The following EYA4 variants were observed in gnomAD, a reference collection of about 807,000 sequenced individuals.
EYA4 encodes EYA transcriptional coactivator and phosphatase 4.
A neutral mutation model predicts 87.9 loss-of-function variants in EYA4; 31 were observed. The ratio of observed to expected loss-of-function variants is 0.35; its 90% CI spans 0.27 to 0.48. The LOEUF (loss-of-function observed/expected upper bound fraction) is 0.48. Ranked by LOEUF, EYA4 falls within the 20% of genes least tolerant of loss-of-function variation. The pLI is 0.99. For synonymous variants in EYA4, 263 were observed against 270.6 expected (o/e 0.97, Z 0.28); for missense variants, 678 against 761.4 (o/e 0.89, Z 1.29).
intron 2 of EYA4, among the ~76,000 whole-genome samples, chr6:133,381,794 T>C (rs1487062514): frequency 6.6e-6 from 1 of 152,212 alleles, no homozygotes; most frequent in African/African-American, 2.4e-5. Flanking sequence ...TAGCATGGCC[T>C]AGAAGTATGA....
At position 133,483,058 on chromosome 6, in the gene EYA4, A is replaced by G; in HGVS notation, c.1134A>G (p.Glu378=). 6.2e-7 allele frequency: 1 copy of G among 1,613,412 alleles called. No individual in the cohort carries two copies. Residue 378 remains glutamate, a synonymous_variant, in exon 13 of 20, where the codon GAA becomes GAG. Transcript: ENST00000355286. ...GTGTGTTTGTCTGGGATTTGGATGAAACCATCATTGTTTTTCACTCACTGC... is the reference window on the plus strand; with the variant it reads ...GTGTGTTTGTCTGGGATTTGGATGAGACCATCATTGTTTTTCACTCACTGC... ...LERVFVWDLD[E]TIIVFHSLLT... is the part of the protein sequence containing the mutation.
rs575288886 is a variant in EYA4 at position 133,462,251 on chromosome 6, A to G, written c.438-84A>G. On this transcript the variant is annotated intron_variant, in intron 7 of 19. Coordinates refer to ENST00000355286, the MANE Select transcript of EYA4 (RefSeq NM_004100.5). Reference sequence around the variant, plus strand: ...GGATAAAGAGGATTACTTCCTGGATATTATAGGGTTTCACTGAATCTAGGC... The same window carrying G: ...GGATAAAGAGGATTACTTCCTGGATGTTATAGGGTTTCACTGAATCTAGGC... 2,787 of 1,384,998 alleles carry G rather than the reference A, an allele frequency of 2.0e-3. 8 individuals carry two copies. Among genetic ancestry groups the G allele is most frequent in the Non-Finnish European group, 2.6e-3 (2,573 of 972,784 alleles). The allele number at this position is 1,384,998 out of a possible 1,614,324, so 85.8% of individuals were successfully genotyped here. A position where few individuals can be genotyped will look rare whatever the true frequency, so the allele number is the denominator to read the frequency against.
intron 13 of EYA4, among the ~76,000 whole-genome samples, chr6:133,497,799 CTA>C (rs555589993): frequency 3.1e-4 from 47 of 152,196 alleles, no homozygotes; most frequent in African/African-American, 1.1e-3. Flanking sequence ...TGCTATGAAG[CTA>C]TGATACTCTA....
At chr6:133,253,078 G>C (rs1582751733) in intron 1 of EYA4, among the ~76,000 whole-genome samples, 1 of 152,136 alleles carries the variant, frequency 6.6e-6, no homozygotes, top group Middle Eastern at 3.4e-3. Context: ...ACAGCATACT[G>C]TGTTTGACCA....
chr6:133,483,460 TAAGA>T (rs1269806933), intron 13 of EYA4, among the ~76,000 whole-genome samples: 2 of 151,268 alleles, frequency 1.3e-5, no homozygotes, highest in Admixed American at 6.7e-5. Flanking sequence ...AAAAGAGCTT[TAAGA>T]AATTGTTTAA....
At chr6:133,257,863 T>G (rs557665551) in intron 1 of EYA4, among the ~76,000 whole-genome samples, 10 of 151,858 alleles carry the variant, frequency 6.6e-5, no homozygotes, top group South Asian at 4.2e-4. Context: ...ATTCATTCAT[T>G]CATGCATGCA....
At chr6:133,320,754 C>T (rs898078095) in intron 2 of EYA4, among the ~76,000 whole-genome samples, 1 of 152,012 alleles carries the variant, frequency 6.6e-6, no homozygotes, top group African/African-American at 2.4e-5. Context: ...TGTTTAGGTC[C>T]CACGTAAAAG....
At chr6:133,512,504 C>A (rs1799240957) in intron 14 of EYA4, among the ~76,000 whole-genome samples, 1 of 152,156 alleles carries the variant, frequency 6.6e-6, no homozygotes, top group African/African-American at 2.4e-5. Context: ...TATTTTCTCA[C>A]CCCTCCTTTC....
intron 2 of EYA4, among the ~76,000 whole-genome samples, chr6:133,299,896 TATA>T (rs1482168696): frequency 2.7e-5 from 4 of 148,892 alleles, no homozygotes; most frequent in Non-Finnish European, 5.9e-5. Context: ...CACACACTTA[TATA>T]CATATACATA....
At chr6:133,360,276 T>TA (rs1784358622) in intron 2 of EYA4, 1 of 152,224 alleles carries the variant, frequency 6.6e-6, no homozygotes, top group Non-Finnish European at 1.5e-5. Flanking sequence ...ATTTCAGTGT[T>TA]ACGGCTTAGT....
chr6:133,309,250 A>G (rs781036381), intron 2 of EYA4, among the ~76,000 whole-genome samples: 8 of 152,060 alleles, frequency 5.3e-5, no homozygotes, highest in Non-Finnish European at 8.8e-5. Flanking sequence ...AAAAATCCCT[A>G]AATGGTGAAA....
At position 133,512,772 on chromosome 6, in the gene EYA4, G is replaced by A. The variant is rs977646583; in HGVS notation, c.1333G>A (p.Asp445Asn). 6.8e-6 allele frequency: 11 copies of A among 1,612,886 alleles called. No individual in the cohort carries two copies. Among genetic ancestry groups the A allele is most frequent in the Non-Finnish European group, 9.3e-6 (11 of 1,178,804 alleles). ...DDVSSDDNGQ[D>N]LSTYSFATDG... ...TGTTTCCTCTGATGATAATGGGCAG[G>A]ACTTAAGGTAAGCTATGCCTTTCAG... The change falls in exon 15 of 20, where the codon GAC becomes AAC. Residue 445 changes from aspartate to asparagine, a missense_variant. Coordinates refer to ENST00000355286, the MANE Select transcript of EYA4 (RefSeq NM_004100.5).
intron 3 of EYA4, among the ~76,000 whole-genome samples, chr6:133,412,116 G>T (rs560460366): frequency 3.4e-4 from 51 of 152,136 alleles, no homozygotes; most frequent in Non-Finnish European, 5.6e-4. Context: ...TTCAACCTAT[G>T]CATATCTATT....
At chr6:133,380,590 G>A (rs1215515284) in intron 2 of EYA4, among the ~76,000 whole-genome samples, 2 of 152,054 alleles carry the variant, frequency 1.3e-5, no homozygotes, top group African/African-American at 4.8e-5. Context: ...CATTCACCTG[G>A]GGATAATTTC....
At chr6:133,356,360 T>C (rs1040108639) in intron 2 of EYA4, among the ~76,000 whole-genome samples, 12 of 152,336 alleles carry the variant, frequency 7.9e-5, no homozygotes, top group African/African-American at 2.4e-4. Flanking sequence ...GTAACCCATG[T>C]GCATTATTAA....
chr6:133,413,071 G>A (rs542539758), intron 3 of EYA4, among the ~76,000 whole-genome samples: 15 of 152,298 alleles, frequency 9.8e-5, no homozygotes, highest in African/African-American at 3.4e-4. Flanking sequence ...TATTGCAAAG[G>A]AAGAAGGAAA....
intron 2 of EYA4, among the ~76,000 whole-genome samples, chr6:133,345,980 A>G (rs936739416): frequency 6.6e-6 from 1 of 152,218 alleles, no homozygotes; most frequent in Non-Finnish European, 1.5e-5. Flanking sequence ...GCAGACTAGC[A>G]ATTAAAGATC....
intron 2 of EYA4, among the ~76,000 whole-genome samples, chr6:133,335,794 G>A (rs559925577): frequency 1.3e-5 from 2 of 152,106 alleles, no homozygotes; most frequent in Admixed American, 6.5e-5. Context: ...GGTAAGTAGG[G>A]GCCAGGACAT....
At chr6:133,507,510 T>C (rs1053950555) in intron 14 of EYA4, among the ~76,000 whole-genome samples, 5 of 152,206 alleles carry the variant, frequency 3.3e-5, no homozygotes, top group Admixed American at 1.3e-4. Context: ...TTTCTCCTAA[T>C]GTTATCCCTC....
Sources: allele counts gnomAD v4.1 joint callset (sites outside exome capture counted in the v4.1 genomes callset), GRCh38; gene constraint gnomAD v4.1.1; transcripts MANE v1.5; gene names NCBI Gene and HGNC (gene_info 2026-07-23, HGNC 2026-07-21).